TMEM248: variants seen among roughly 807,000 people sequenced by gnomAD.
TMEM248 encodes transmembrane protein 248.
A neutral mutation model predicts 30.3 loss-of-function variants in TMEM248; 9 were observed. The ratio of observed to expected loss-of-function variants is 0.30; its 90% CI spans 0.18 to 0.52. The LOEUF is 0.52. Ranked by LOEUF, TMEM248 falls within the 20% of genes least tolerant of loss-of-function variation. The pLI, the probability that TMEM248 is intolerant of heterozygous loss-of-function variation, is 0.97. For synonymous variants in TMEM248, 184 were observed against 154.4 expected, an observed-to-expected ratio of 1.19 and a Z score of -1.42; for missense variants, 338 against 403.3, an observed-to-expected ratio of 0.84 and a Z score of 1.39.
intron 1 of TMEM248, among the ~76,000 whole-genome samples, chr7:66,938,456 A>G (rs1791861049): frequency 6.6e-6 from 1 of 152,182 alleles, no homozygotes; most frequent in African/African-American, 2.4e-5. Context: ...ATTGTATGGT[A>G]TGTGAATTAT....
intron 1 of TMEM248, among the ~76,000 whole-genome samples, chr7:66,923,677 T>G (rs552324874): frequency 2.6e-5 from 4 of 152,068 alleles, no homozygotes; most frequent in Admixed American, 6.5e-5. Flanking sequence ...GATTTCTGGG[T>G]TTTTTTGTTT....
At chr7:66,935,243 C>T (rs949985063) in intron 1 of TMEM248, among the ~76,000 whole-genome samples, 13 of 151,420 alleles carry the variant, frequency 8.6e-5, no homozygotes, top group African/African-American at 3.2e-4. Context: ...AGTGCAGTGG[C>T]GCAATCTCAG....
intron 1 of TMEM248, among the ~76,000 whole-genome samples, chr7:66,936,192 C>T (rs1791799732): frequency 6.6e-6 from 1 of 152,058 alleles, no homozygotes; most frequent in South Asian, 2.1e-4. Context: ...TAGTTGTGGG[C>T]CTGTTGTATA....
chr7:66,930,281 C>T (rs552745055), intron 1 of TMEM248, among the ~76,000 whole-genome samples: 1 of 152,258 alleles, frequency 6.6e-6, no homozygotes, highest in African/African-American at 2.4e-5. Flanking sequence ...AAGGAGATAG[C>T]TCCAGTAGGT....
intron 1 of TMEM248, among the ~76,000 whole-genome samples, chr7:66,936,127 C>T (rs1468722839): frequency 6.6e-6 from 1 of 152,150 alleles, no homozygotes; most frequent in Non-Finnish European, 1.5e-5. Context: ...GCATCCTTTT[C>T]ATGTTCCAGA....
chr7:66,953,413 TCTGTATACAGAAAGTCC>T, intron 6 of TMEM248, 44 bp downstream of exon 6: 1 of 1,600,250 alleles, frequency 6.2e-7, no homozygotes, highest in Non-Finnish European at 8.5e-7. Flanking sequence ...ACTAGAGGTC[TCTGTATACAGAAAGTCC>T]CAGTTATCCT....
At chr7:66,926,393 G>A (rs1051429114) in intron 1 of TMEM248, among the ~76,000 whole-genome samples, 14 of 152,226 alleles carry the variant, frequency 9.2e-5, no homozygotes, top group Non-Finnish European at 1.9e-4. Flanking sequence ...GCCAAGGCTG[G>A]TGGATTGCTT....
In TMEM248 at chr7:66,955,861, G is replaced by T; in HGVS notation, c.*339G>T. On this transcript the variant is annotated 3_prime_UTR_variant, in exon 7 of 7. Transcript: ENST00000341567. ...CGATGTTTTCACCAAGGTCACAGGA[G>T]CATTGCGTCGCTGATGGGGTTGAAG... 1 of 286,340 alleles carries T rather than the reference G, an allele frequency of 3.5e-6. No homozygotes were observed. Among genetic ancestry groups the T allele is most frequent in the Non-Finnish European group, 6.4e-6 (1 of 155,114 alleles). 17.7% of individuals were successfully genotyped at this position (286,340 alleles called of 1,614,324 possible). A position where few individuals can be genotyped will look rare whatever the true frequency, so the allele number is the denominator to read the frequency against.
chr7:66,954,472 T>G (rs1012317392), intron 6 of TMEM248, among the ~76,000 whole-genome samples: 1 of 149,728 alleles, frequency 6.7e-6, no homozygotes, highest in South Asian at 2.2e-4. Context: ...GACTCAATCA[T>G]AGTTCACTGC....
At position 66,921,226 on chromosome 7, in the gene TMEM248, C is replaced by G. The variant is rs1319725910; in HGVS notation, c.-254C>G. The G allele has an allele frequency of 6.7e-6, 1 of 148,716 alleles. No individual in the cohort carries two copies. Among genetic ancestry groups the G allele is most frequent in the Non-Finnish European group, 1.5e-5 (1 of 67,080 alleles). 9.2% of individuals were successfully genotyped at this position (148,716 alleles called of 1,614,324 possible). A position where few individuals can be genotyped will look rare whatever the true frequency, so the allele number is the denominator to read the frequency against. On this transcript the variant is annotated 5_prime_UTR_variant, in exon 1 of 7. Transcript: ENST00000341567. Reference sequence around the variant, plus strand: ...GGCGTGGTTTTTTTTTTTTTTTTCACCCGGAAACCGCGGTTGCCGGAGCCC... The same window carrying G: ...GGCGTGGTTTTTTTTTTTTTTTTCAGCCGGAAACCGCGGTTGCCGGAGCCC...
chr7:66,933,232 C>G (rs1791714548), intron 1 of TMEM248, among the ~76,000 whole-genome samples: 1 of 152,122 alleles, frequency 6.6e-6, no homozygotes, highest in African/African-American at 2.4e-5. Flanking sequence ...GTGGCGTAAT[C>G]AATCATAGCT....
intron 1 of TMEM248, among the ~76,000 whole-genome samples, chr7:66,935,627 CT>C (rs1308285759): frequency 9.2e-5 from 14 of 152,252 alleles, no homozygotes; most frequent in African/African-American, 3.4e-4. Context: ...ACTACAACCT[CT>C]GCTTCCCAGG....
chr7:66,926,961 C>T (rs1791542758), intron 1 of TMEM248, among the ~76,000 whole-genome samples: 1 of 152,120 alleles, frequency 6.6e-6, no homozygotes, highest in Admixed American at 6.6e-5. Context: ...ATGTCCCAGT[C>T]TTACACACTG....
chr7:66,953,337 C>T lies in TMEM248; in HGVS notation c.892C>T (p.Arg298Cys), dbSNP rs1214765634. 3.1e-6 allele frequency: 5 copies of T among 1,614,130 alleles called. No homozygotes were observed. The highest frequency in any genetic ancestry group is 4.5e-5 in the East Asian group (2 of 44,874). ...TATCAAGGGCAGACCTAGCAAATTG[C>T]GTCAGAGCAATCCTGAATTTTGTCC... is the stretch of plus-strand genomic sequence containing the variant. ...AVIKGRPSKL[R>C]QSNPEFCPEK... Residue 298 changes from arginine (R) to cysteine (C), a missense_variant, in exon 6 of 7, where the codon CGT becomes TGT. Arg to Cys is a radical substitution (Grantham distance 180). Transcript: ENST00000341567.
At chr7:66,940,485 GTTGT>G (rs1361401512) in intron 1 of TMEM248, among the ~76,000 whole-genome samples, 1 of 152,222 alleles carries the variant, frequency 6.6e-6, no homozygotes, top group Non-Finnish European at 1.5e-5. Context: ...AGCAGACAAC[GTTGT>G]TTGTTAAGAG....
chr7:66,926,646 A>G (rs1791532607), intron 1 of TMEM248, among the ~76,000 whole-genome samples: 1 of 151,984 alleles, frequency 6.6e-6, no homozygotes, highest in African/African-American at 2.4e-5. Context: ...AAACAAAAAA[A>G]AAAAAAAAGA....
chr7:66,954,508 A>C (rs1792355951), intron 6 of TMEM248, among the ~76,000 whole-genome samples: 1 of 150,690 alleles, frequency 6.6e-6, no homozygotes, highest in Admixed American at 6.6e-5. Context: ...GGCTCAAGCG[A>C]TCGTCAACCT....
chr7:66,933,288 G>GC lies in TMEM248; in HGVS notation c.-18-8554dup, dbSNP rs532755389. On this transcript the variant is annotated intron_variant, in intron 1 of 6. Transcript: ENST00000341567. ...AGGCTCAAGCCATCCTCCTGCCTCA[G>GC]CCCCCCACGTAGCTGGGACTATGGA... Among the ~76,000 whole-genome samples, 56 of 152,296 alleles carry GC rather than the reference G, an allele frequency of 3.7e-4. No homozygotes were observed. In the South Asian group the frequency reaches 0.012, roughly 32 times the overall value.
rs1328885608 is a variant in TMEM248 at position 66,953,243 on chromosome 7, A to T, written c.798A>T (p.Ile266=). 1.9e-6 allele frequency: 3 copies of T among 1,613,932 alleles called. No individual in the cohort carries two copies. The highest frequency in any genetic ancestry group is 2.5e-6 in the Non-Finnish European group (3 of 1,179,998). The change falls in exon 6 of 7, where the codon ATA becomes ATT. Residue 266 remains isoleucine, a synonymous_variant. Transcript: ENST00000341567. ...VIVPDDDRSL[I]NLHLMHTSYF... is the part of the protein sequence containing the mutation. Reference sequence around the variant, plus strand: ...TTATTTAGGATGACCGTTCATTAATAAATTTGCATCTCATGCACACCAGTT... The same window carrying T: ...TTATTTAGGATGACCGTTCATTAATTAATTTGCATCTCATGCACACCAGTT...
Sources: allele counts gnomAD v4.1 joint callset (sites outside exome capture counted in the v4.1 genomes callset), GRCh38; gene constraint gnomAD v4.1.1; transcripts MANE v1.5; gene names NCBI Gene and HGNC (gene_info 2026-07-23, HGNC 2026-07-21).